DCC: variants seen among roughly 807,000 people sequenced by gnomAD.
DCC encodes the protein netrin receptor DCC.
DCC carries 58 observed loss-of-function variants against 172.5 expected under a neutral mutation model. The ratio of observed to expected loss-of-function variants is 0.34; its 90% confidence interval spans 0.27 to 0.42. The LOEUF (loss-of-function observed/expected upper bound fraction) is 0.42, where lower values mean the gene tolerates loss of function less well. Ranked by LOEUF, DCC falls within the 10% of genes least tolerant of loss-of-function variation. The probability of loss-of-function intolerance (pLI) is 1.00; values close to 1 mark genes in which losing one functional copy is unlikely to be tolerated. For synonymous variants in DCC, 709 were observed against 644.5 expected (o/e 1.10, Z -1.52); for missense variants, 1,740 against 1,791.0 (o/e 0.97, Z 0.51).
intron 7 of DCC, 55 bp downstream of exon 7, chr18:53,066,221 G>A: frequency 6.4e-7 from 1 of 1,573,844 alleles, no homozygotes; most frequent in Non-Finnish European, 8.7e-7. Context: ...TTCATAGTCT[G>A]TTGGTAAAAT....
chr18:53,100,910 A>T (rs2144217082), intron 7 of DCC, among the ~76,000 whole-genome samples: 1 of 152,286 alleles, frequency 6.6e-6, no homozygotes, highest in African/African-American at 2.4e-5. Flanking sequence ...AGATAACCAC[A>T]CAGAGCATAT....
intron 1 of DCC, among the ~76,000 whole-genome samples, chr18:52,382,491 T>G (rs1985627466): frequency 6.6e-6 from 1 of 152,120 alleles, no homozygotes; most frequent in Admixed American, 6.6e-5. Context: ...TTGGTAAAAC[T>G]TATAGGACAG....
chr18:52,418,858 C>CTTTTTTTTTTTTTTTTTTTTTTTTTTT (rs11313758), intron 1 of DCC, among the ~76,000 whole-genome samples: 1 of 93,020 alleles, frequency 1.1e-5, no homozygotes, highest in Non-Finnish European at 2.0e-5. Flanking sequence ...TTCTTTCTTT[C>CTTTTTTTTTTTTTTTTTTTTTTTTTTT]TTTTTTTTTT....
intron 1 of DCC, among the ~76,000 whole-genome samples, chr18:52,350,843 C>T (rs1984087958): frequency 6.6e-6 from 1 of 152,132 alleles, no homozygotes; most frequent in Non-Finnish European, 1.5e-5. Flanking sequence ...GTTTTGCCTA[C>T]AGATCTGGTG....
At chr18:53,049,712 T>C (rs1234554427) in intron 5 of DCC, among the ~76,000 whole-genome samples, 1 of 152,134 alleles carries the variant, frequency 6.6e-6, no homozygotes, top group Non-Finnish European at 1.5e-5. Flanking sequence ...AATAGTTTTT[T>C]TTTCTAAGTC....
chr18:53,148,469 G>T (rs1054119034), intron 7 of DCC, among the ~76,000 whole-genome samples: 3 of 152,138 alleles, frequency 2.0e-5, no homozygotes, highest in African/African-American at 7.2e-5. Flanking sequence ...AAACTCAAGG[G>T]AAAGGGTGGA....
intron 1 of DCC, among the ~76,000 whole-genome samples, chr18:52,707,220 T>C (rs1411846346): frequency 1.3e-5 from 2 of 152,226 alleles, no homozygotes; most frequent in East Asian, 1.9e-4. Context: ...ATTATTATTA[T>C]TGCTTATTTG....
chr18:52,482,137 CCACA>C (rs1438943418), intron 1 of DCC, among the ~76,000 whole-genome samples: 1 of 152,146 alleles, frequency 6.6e-6, no homozygotes, highest in African/African-American at 2.4e-5. Context: ...CAGCTGCACA[CCACA>C]CAAACACTTG....
intron 3 of DCC, among the ~76,000 whole-genome samples, chr18:52,910,281 A>G (rs2039953301): frequency 1.3e-5 from 2 of 152,118 alleles, no homozygotes; most frequent in Non-Finnish European, 1.5e-5. Context: ...GAAGTGGGAG[A>G]GTAGTGTTAC....
rs188423624 is a variant in DCC, at chr18:53,388,251, A to G, written c.2455+2113A>G. ...AGAAAACACTTTTTCTGGAAGTGGC[A>G]GAATTATTTTATTTTGCTTCCACAT... On this transcript the variant is annotated intron_variant, in intron 16 of 28. Coordinates refer to ENST00000442544, the MANE Select transcript of DCC (RefSeq NM_005215.4). Among the ~76,000 whole-genome samples the G allele has an allele frequency of 5.3e-5, 8 of 152,328 alleles. No individual in the cohort carries two copies. The East Asian group carries it at 1.5e-3, about 29-fold the overall frequency.
chr18:52,549,515 G>C (rs1242721700), intron 1 of DCC, among the ~76,000 whole-genome samples: 1 of 152,028 alleles, frequency 6.6e-6, no homozygotes. Flanking sequence ...AAGTGCTAAT[G>C]ACTTGTCCTC....
intron 5 of DCC, among the ~76,000 whole-genome samples, chr18:53,054,933 T>C (rs528665209): frequency 6.6e-5 from 10 of 152,162 alleles, no homozygotes; most frequent in African/African-American, 9.6e-5. Context: ...AGCTTACTAT[T>C]TGTCCTAATA....
chr18:52,640,248 A>C (rs964299736), intron 1 of DCC, among the ~76,000 whole-genome samples: 1 of 152,170 alleles, frequency 6.6e-6, no homozygotes, highest in African/African-American at 2.4e-5. Flanking sequence ...CTCCCAGCCA[A>C]CATAATACTG....
At chr18:53,102,879 T>A (rs17393029) in intron 7 of DCC, among the ~76,000 whole-genome samples, 78,388 of 151,788 alleles carry the variant, frequency 0.52, 20,856 homozygotes, top group African/African-American at 0.59. Context: ...GTAGCCTTTC[T>A]GCAATACACC....
intron 1 of DCC, among the ~76,000 whole-genome samples, chr18:52,458,339 C>T (rs571521371): frequency 6.6e-6 from 1 of 152,254 alleles, no homozygotes; most frequent in Non-Finnish European, 1.5e-5. Flanking sequence ...CTTTCACATA[C>T]ATTATTTCAG....
At chr18:53,168,570 C>T (rs1207555593) in intron 8 of DCC, among the ~76,000 whole-genome samples, 403 of 2,432 alleles carry the variant, frequency 0.17, 1 homozygote, top group African/African-American at 0.3. Context: ...TGTCTGGGGG[C>T]GGGCGGGGGG....
chr18:52,842,581 T>C (rs1029918659), intron 2 of DCC, among the ~76,000 whole-genome samples: 4 of 152,212 alleles, frequency 2.6e-5, no homozygotes, highest in African/African-American at 9.7e-5. Context: ...ATAGACACCC[T>C]GAAATAATGT....
At chr18:52,761,866 G>A (rs12373206) in intron 2 of DCC, among the ~76,000 whole-genome samples, 4,971 of 137,620 alleles carry the variant, frequency 0.036, 119 homozygotes, top group Admixed American at 0.053. Flanking sequence ...CCGAGATAGC[G>A]CCACTGCAGT....
intron 11 of DCC, among the ~76,000 whole-genome samples, chr18:53,209,943 TAGAC>T (rs1322879004): frequency 6.6e-6 from 1 of 152,326 alleles, no homozygotes; most frequent in South Asian, 2.1e-4. Flanking sequence ...GTTTAGGACT[TAGAC>T]AGTGTCTGTC....
Sources: allele counts gnomAD v4.1 joint callset (sites outside exome capture counted in the v4.1 genomes callset), GRCh38; gene constraint gnomAD v4.1.1; transcripts MANE v1.5; gene names NCBI Gene and HGNC (gene_info 2026-07-23, HGNC 2026-07-21).